Variants in TET3 observed in about 807,000 individuals in gnomAD.
TET3 encodes the protein methylcytosine dioxygenase TET3.
A neutral mutation model predicts 141.4 loss-of-function variants in TET3; 19 were observed. The ratio of observed to expected loss-of-function variants is 0.13; its 90% CI spans 0.09 to 0.20. The LOEUF (loss-of-function observed/expected upper bound fraction) is 0.20. Ranked by LOEUF, TET3 falls within the 10% of genes least tolerant of loss-of-function variation. The pLI is 1.00. For synonymous variants in TET3, 1,043 were observed against 980.9 expected (o/e 1.06, Z -1.18); for missense variants, 1,874 against 2,356.9 (o/e 0.80, Z 4.24).
At chr2:73,992,679 A>C (rs181212131) in intron 2 of TET3, among the ~76,000 whole-genome samples, 4 of 152,294 alleles carry the variant, frequency 2.6e-5, no homozygotes, top group Non-Finnish European at 5.9e-5. Flanking sequence ...CTCATGGTGA[A>C]TTACAATTTT....
intron 2 of TET3, 125 bp downstream of exon 2, chr2:73,986,831 T>G: frequency 1.1e-6 from 1 of 912,046 alleles, no homozygotes; most frequent in Non-Finnish European, 1.4e-6. Context: ...TTGGTCCAAC[T>G]TTAAGTAGGA....
At chr2:74,061,247 C>T (rs1333400987) in intron 4 of TET3, among the ~76,000 whole-genome samples, 2 of 142,332 alleles carry the variant, frequency 1.4e-5, no homozygotes, top group African/African-American at 5.2e-5. Flanking sequence ...GGGGGGCTGA[C>T]CCCCCCACTT....
chr2:74,050,330 G>A (rs951488663), intron 4 of TET3, among the ~76,000 whole-genome samples: 15 of 152,084 alleles, frequency 9.9e-5, no homozygotes, highest in African/African-American at 2.4e-4. Flanking sequence ...GATGAAATTC[G>A]TTACTATGTG....
chr2:73,992,977 T>G (rs1367701579), intron 2 of TET3, among the ~76,000 whole-genome samples: 2 of 152,176 alleles, frequency 1.3e-5, no homozygotes, highest in African/African-American at 2.4e-5. Flanking sequence ...GAAGTCCAGT[T>G]TTTGACTTAA....
chr2:74,128,519 C>G, the TET3 span, among the ~76,000 whole-genome samples: 1 of 152,070 alleles, frequency 6.6e-6, no homozygotes. Flanking sequence ...AGTATGGGCT[C>G]TCCTTAATAA....
Position 74,104,060 on chromosome 2 carries a change from CATT to C in TET3, c.*1885_*1887del, listed in dbSNP as rs1417527019. Reference sequence around the variant, plus strand: ...GAGGGTCGTTGTAAGATGTCCTGAGCATTTATGTGGTCTGGTTTTAACTGTAAA... The same window carrying C: ...GAGGGTCGTTGTAAGATGTCCTGAGCTATGTGGTCTGGTTTTAACTGTAAA... On this transcript the variant is annotated 3_prime_UTR_variant, in exon 12 of 12. Transcript: ENST00000409262. 6.5e-6 allele frequency: 1 copy of C among 153,470 alleles called. No homozygotes were observed. The highest frequency in any genetic ancestry group is 1.9e-4 in the East Asian group (1 of 5,188). The allele number at this position is 153,470 out of a possible 1,614,324, so 9.5% of individuals were successfully genotyped here. A position where few individuals can be genotyped will look rare whatever the true frequency, so the allele number is the denominator to read the frequency against.
intron 2 of TET3, among the ~76,000 whole-genome samples, chr2:73,989,234 G>A (rs971670487): frequency 2.0e-5 from 3 of 152,122 alleles, no homozygotes; most frequent in African/African-American, 7.2e-5. Flanking sequence ...CATGTCCCGG[G>A]ATTGGGGAGG....
chr2:74,111,063 TC>T (rs113966127), downstream of TET3, among the ~76,000 whole-genome samples: 4 of 152,254 alleles, frequency 2.6e-5, no homozygotes, highest in African/African-American at 9.6e-5. Context: ...GGGATCCTCA[TC>T]CTCACTGACC....
intron 3 of TET3, among the ~76,000 whole-genome samples, chr2:74,024,787 C>A (rs548935862): frequency 6.6e-6 from 1 of 152,246 alleles, no homozygotes; most frequent in East Asian, 1.9e-4. Flanking sequence ...TTTTTTATTT[C>A]GGCATAATTT....
intron 3 of TET3, among the ~76,000 whole-genome samples, chr2:74,009,900 G>C (rs1169662194): frequency 1.3e-5 from 2 of 152,224 alleles, no homozygotes. Flanking sequence ...GGGTGGCATA[G>C]GGGCCTCAGG....
intron 2 of TET3, among the ~76,000 whole-genome samples, chr2:73,987,866 G>A (rs999960262): frequency 6.6e-6 from 1 of 152,232 alleles, no homozygotes; most frequent in African/African-American, 2.4e-5. Context: ...CCGTGCTCTG[G>A]GTTTCCCTGA....
chr2:74,114,360 C>G, the TET3 span, among the ~76,000 whole-genome samples: 5,298 of 152,042 alleles, frequency 0.035, 296 homozygotes, highest in African/African-American at 0.12. Context: ...GTACAGTGTA[C>G]ACAGCTTGGG....
At chr2:74,073,761 C>A in intron 5 of TET3, 122 bp downstream of exon 5, 1 of 766,908 alleles carries the variant, frequency 1.3e-6, no homozygotes, top group Non-Finnish European at 2.0e-6. Flanking sequence ...ACCCTGATAA[C>A]GGGCTTAGGG....
rs556029129 is a variant in TET3, at chr2:74,093,347, A to T, written c.3130-182A>T. Among the ~76,000 whole-genome samples, 1 of 152,270 alleles carries T rather than the reference A, an allele frequency of 6.6e-6. No homozygotes were observed. Among genetic ancestry groups the T allele is most frequent in the South Asian group, 2.1e-4 (1 of 4,826 alleles). On this transcript the variant is annotated intron_variant, in intron 9 of 11. Coordinates refer to ENST00000409262, the MANE Select transcript of TET3 (RefSeq NM_001287491.2). This position sits in a 1 kb window ranked among gnomAD's most constrained non-coding sequence, Gnocchi z 4.2. ...CCCAGAAGGAAGTAATTCCTACAGGAGACTGAAAGTAACTTTTTTGTAGCT... is the reference window on the plus strand; with the variant it reads ...CCCAGAAGGAAGTAATTCCTACAGGTGACTGAAAGTAACTTTTTTGTAGCT...
rs567128280 is a variant in TET3 at position 74,080,700 on chromosome 2, G to C, written c.2679+109G>C. ...TGCATGTAGCTGAGCAGGCGAGGGCGGGGGGTGGGGCCAGGTGGGTGTGTA... is the reference window on the plus strand; with the variant it reads ...TGCATGTAGCTGAGCAGGCGAGGGCCGGGGGTGGGGCCAGGTGGGTGTGTA... On this transcript the variant is annotated intron_variant, in intron 6 of 11. Coordinates refer to ENST00000409262, the MANE Select transcript of TET3 (RefSeq NM_001287491.2). The C allele has an allele frequency of 5.0e-5, 17 of 337,778 alleles. 1 individual carries two copies. The highest frequency in any genetic ancestry group is 3.3e-4 in the East Asian group (3 of 9,176). The allele number at this position is 337,778 out of a possible 1,614,324, so 20.9% of individuals were successfully genotyped here.
intron 6 of TET3, among the ~76,000 whole-genome samples, chr2:74,082,570 T>C (rs1156416657): frequency 6.6e-6 from 1 of 151,466 alleles, no homozygotes; most frequent in Non-Finnish European, 1.5e-5. Flanking sequence ...AGGAAATACT[T>C]TTTTTTATGG....
chr2:74,077,857 C>T (rs1689599384), intron 5 of TET3, among the ~76,000 whole-genome samples: 2 of 152,216 alleles, frequency 1.3e-5, no homozygotes, highest in African/African-American at 4.8e-5. Flanking sequence ...CAACAGGGAT[C>T]TCCACGACAC....
chr2:73,987,811 G>C (rs754112354), intron 2 of TET3, among the ~76,000 whole-genome samples: 2 of 152,206 alleles, frequency 1.3e-5, no homozygotes, highest in Admixed American at 6.5e-5. Flanking sequence ...GGAGCTGCTT[G>C]CTTCTGAGGA....
chr2:74,036,694 C>T (rs946526961), intron 3 of TET3, among the ~76,000 whole-genome samples: 8 of 152,128 alleles, frequency 5.3e-5, no homozygotes, highest in Non-Finnish European at 1.0e-4. Flanking sequence ...AGTGAATGTG[C>T]GACAATTTGC....
Sources: allele counts gnomAD v4.1 joint callset (sites outside exome capture counted in the v4.1 genomes callset), GRCh38; gene constraint gnomAD v4.1.1; non-coding constraint Gnocchi (gnomAD v3.1); transcripts MANE v1.5; gene names NCBI Gene and HGNC (gene_info 2026-07-23, HGNC 2026-07-21).